Variants in SYNE2 observed in about 807,000 individuals in gnomAD.
SYNE2 encodes nesprin-2.
In SYNE2, 431 loss-of-function variants were observed where a neutral mutation model predicts 856.3. That is an observed-to-expected ratio of 0.50 (90% confidence interval 0.47 to 0.55). The LOEUF (loss-of-function observed/expected upper bound fraction) is 0.55, where lower values mean the gene tolerates loss of function less well. Among genes scored for constraint, SYNE2 ranks in the 20% least tolerant of loss-of-function variants. SYNE2 has a pLI of 0.00. For missense variants in SYNE2, 8,129 were observed against 8,023.2 expected (o/e 1.01, Z -0.50); for synonymous variants, 2,923 against 2,872.3 (o/e 1.02, Z -0.56).
At chr14:64,010,137 A>C (rs1386476311) in intron 32 of SYNE2, 21 bp downstream of exon 32, 4 of 1,603,404 alleles carry the variant, frequency 2.5e-6, no homozygotes, top group Non-Finnish European at 3.4e-6. Context: ...GTTCCATTAG[A>C]AAAAACTGCC....
intron 2 of SYNE2, among the ~76,000 whole-genome samples, chr14:63,926,291 C>A (rs2095665111): frequency 6.6e-6 from 1 of 151,270 alleles, no homozygotes; most frequent in East Asian, 2.0e-4. Flanking sequence ...TACGAATTTC[C>A]CTATTTTGGG....
intron 1 of SYNE2, among the ~76,000 whole-genome samples, chr14:63,859,481 C>T (rs1470371063): frequency 2.0e-5 from 3 of 151,914 alleles, no homozygotes; most frequent in Admixed American, 6.6e-5. Context: ...TGACATCTCA[C>T]AAATTTTGAT....
At chr14:64,224,923 AGGAT>A in intron 114 of SYNE2, 72 bp from the exon 115 acceptor site, 1 of 1,207,744 alleles carries the variant, frequency 8.3e-7, no homozygotes, top group Non-Finnish European at 1.2e-6. Flanking sequence ...AATTTAAGGG[AGGAT>A]TTTTTTTTTT....
At chr14:63,861,349 T>C (rs1893647909) in intron 1 of SYNE2, among the ~76,000 whole-genome samples, 1 of 151,904 alleles carries the variant, frequency 6.6e-6, no homozygotes. Flanking sequence ...TTCACCATGT[T>C]GGTCATGCTG....
In SYNE2 at chr14:63,994,959, C is replaced by T. The variant is rs890373352; in HGVS notation, c.2782-85C>T. ...AAGCTTTGTTTCTGTCCTTTTGTCA[C>T]TACACATATATTTATTGTTACTATA... On this transcript the variant is annotated intron_variant, in intron 22 of 115. Coordinates refer to ENST00000555002, the MANE Select transcript of SYNE2 (RefSeq NM_182914.3). 5 of 897,872 alleles carry T rather than the reference C, an allele frequency of 5.6e-6. No individual in the cohort carries two copies. The Admixed American group carries it at 1.4e-4, about 25-fold the overall frequency. The allele number at this position is 897,872 out of a possible 1,614,324, so 55.6% of individuals were successfully genotyped here.
intron 100 of SYNE2, among the ~76,000 whole-genome samples, chr14:64,208,424 C>T (rs944381729): frequency 1.3e-5 from 2 of 152,198 alleles, no homozygotes; most frequent in Non-Finnish European, 2.9e-5. Context: ...AGATCCCATG[C>T]ATACCCGAAG....
chr14:63,883,339 G>C (rs1456714366), intron 1 of SYNE2, among the ~76,000 whole-genome samples: 1 of 151,706 alleles, frequency 6.6e-6, no homozygotes, highest in East Asian at 1.9e-4. Context: ...GATTACAGGC[G>C]TGACCCACGA....
chr14:63,860,968 T>C lies in SYNE2; in HGVS notation c.-52+7825T>C, dbSNP rs1233384934. 2.6e-5 allele frequency among the ~76,000 whole-genome samples: 4 copies of C among 151,846 alleles called. 1 individual carries two copies. Among genetic ancestry groups the C allele is most frequent in the South Asian group, 4.2e-4 (2 of 4,804 alleles). On this transcript the variant is annotated intron_variant, in intron 1 of 115. Coordinates refer to ENST00000555002, the MANE Select transcript of SYNE2 (RefSeq NM_182914.3). ...CCAGGGACCAGGAGCAGCCAACCTA[T>C]TGAGTATAACCTTGACAGTGGGGCC...
At chr14:64,212,633 C>G (rs1193092779) in intron 104 of SYNE2, among the ~76,000 whole-genome samples, 178 bp from the exon 105 acceptor site, 2 of 152,172 alleles carry the variant, frequency 1.3e-5, no homozygotes, top group Non-Finnish European at 2.9e-5. Context: ...TATAGACAAT[C>G]ACTTAAAATT....
intron 99 of SYNE2, chr14:64,191,019 G>T: frequency 1.4e-6 from 1 of 702,206 alleles, no homozygotes; most frequent in Non-Finnish European, 2.6e-6. Context: ...GGCCACACGG[G>T]TCCTTTCCAT....
chr14:64,007,139 A>T lies in SYNE2; in HGVS notation c.4494A>T (p.Lys1498Asn). 3.1e-6 allele frequency: 5 copies of T among 1,613,884 alleles called. No homozygotes were observed. Among genetic ancestry groups the T allele is most frequent in the Non-Finnish European group, 4.2e-6 (5 of 1,179,718 alleles). ...TGGCTAATTCTCTTCCACACTTCAA[A>T]GATGGCAGAGAAAAAACCGTGAATC... Reference protein sequence around the residue: ...QEMANSLPHFKDGREKTVNQQ... With the variant: ...QEMANSLPHFNDGREKTVNQQ... Residue 1498 changes from lysine to asparagine, a missense_variant, in exon 31 of 116, where the codon AAA becomes AAT. This residue lies in a region of SYNE2 where 2,422 missense variants were observed against 2,357.4 expected (regional missense o/e 1.03). Transcript: ENST00000555002.
At chr14:63,960,936 C>T in intron 8 of SYNE2, 1 of 546,930 alleles carries the variant, frequency 1.8e-6, no homozygotes, top group Non-Finnish European at 3.3e-6. Context: ...TTGTTTAATT[C>T]AGCATTTTAC....
At chr14:63,923,396 T>A (rs755834683) in intron 2 of SYNE2, among the ~76,000 whole-genome samples, 105 of 152,358 alleles carry the variant, frequency 6.9e-4, no homozygotes, top group Middle Eastern at 6.8e-3. Flanking sequence ...AAAGTAGAAA[T>A]CACTGATCTT....
At chr14:63,788,678 C>T (rs1243804493) in intron 1 of SYNE2, among the ~76,000 whole-genome samples, 1 of 152,238 alleles carries the variant, frequency 6.6e-6, no homozygotes, top group Non-Finnish European at 1.5e-5. Flanking sequence ...CGGCGTCCCG[C>T]TGCCTCCACG....
chr14:64,094,566 CAAAAG>C (rs1440228389), intron 61 of SYNE2, among the ~76,000 whole-genome samples: 1 of 151,994 alleles, frequency 6.6e-6, no homozygotes, highest in East Asian at 1.9e-4. Context: ...ATATGGTACT[CAAAAG>C]AAGATTACAC....
intron 1 of SYNE2, among the ~76,000 whole-genome samples, chr14:63,883,455 C>T (rs1007821576): frequency 5.9e-5 from 9 of 152,204 alleles, no homozygotes; most frequent in African/African-American, 1.7e-4. Context: ...TCACCAGGCT[C>T]AGATGATCCT....
chr14:64,128,469 A>G lies in SYNE2; in HGVS notation c.13935A>G (p.Leu4645=), dbSNP rs750210161. 6.4e-7 allele frequency: 1 copy of G among 1,574,674 alleles called. No individual in the cohort carries two copies. The highest frequency in any genetic ancestry group is 1.1e-5 in the South Asian group (1 of 90,326). ...TCTTACAGAATGAAATAAAGAGATT[A>G]TATCATCAGCTCATTAAGAGTAAGA... ...NRSYQNEIKR[L]YHQLIKSKTS... Residue 4645 remains leucine (L), a synonymous_variant, in exon 74 of 116, where the codon TTA becomes TTG. Transcript: ENST00000555002.
intron 1 of SYNE2, among the ~76,000 whole-genome samples, chr14:63,827,725 G>C (rs191624109): frequency 6.7e-6 from 1 of 148,352 alleles, no homozygotes; most frequent in East Asian, 2.0e-4. Flanking sequence ...AGCAGCAAAA[G>C]TTTATTAAGC....
At chr14:63,880,916 G>A (rs1340310452) in intron 1 of SYNE2, among the ~76,000 whole-genome samples, 2 of 151,374 alleles carry the variant, frequency 1.3e-5, no homozygotes, top group Non-Finnish European at 2.9e-5. Flanking sequence ...GTGCGATGTC[G>A]GCTCACTGCA....
Sources: gnomAD v4.1 joint callset for allele counts (sites outside exome capture counted in the v4.1 genomes callset) on GRCh38, gnomAD v4.1.1 for gene constraint, gnomAD v4.1.1 regional missense constraint, MANE v1.5 for transcripts, NCBI Gene and HGNC (gene_info 2026-07-23, HGNC 2026-07-21) for gene names.